The following FLT3 variants were observed in gnomAD, a reference collection of about 807,000 sequenced individuals.
The protein encoded by FLT3 is fms related receptor tyrosine kinase 3.
Under a neutral mutation model 126.6 loss-of-function variants are expected in FLT3, and 46 were observed. The observed-to-expected ratio is 0.36, with a 90% confidence interval of 0.29 to 0.46. The LOEUF is 0.46. Ranked by LOEUF, FLT3 falls within the 20% of genes least tolerant of loss-of-function variation. The pLI, the probability that FLT3 is intolerant of heterozygous loss-of-function variation, is 1.00. For synonymous variants in FLT3, 404 were observed against 434.4 expected, an observed-to-expected ratio of 0.93 and a Z score of 0.87; for missense variants, 1,069 against 1,190.3, an observed-to-expected ratio of 0.90 and a Z score of 1.50.
chr13:28,088,791 G>A (rs2137822480), intron 1 of FLT3, among the ~76,000 whole-genome samples: 1 of 151,420 alleles, frequency 6.6e-6, no homozygotes, highest in South Asian at 2.1e-4. Flanking sequence ...TCACTATGTT[G>A]GCCAGGCTGG....
chr13:28,048,981 T>G (rs1875159530), intron 8 of FLT3, among the ~76,000 whole-genome samples: 2 of 152,226 alleles, frequency 1.3e-5, no homozygotes, highest in Non-Finnish European at 2.9e-5. Flanking sequence ...TTGTACTGTC[T>G]CTCAGTGCTC....
At chr13:28,067,196 AT>A (rs10713286) in intron 2 of FLT3, among the ~76,000 whole-genome samples, 151,739 of 152,278 alleles carry the variant, frequency 1, 75,602 homozygotes, top group Middle Eastern at 1. Flanking sequence ...TTTATTTTGT[AT>A]TTTTTAGCAG....
chr13:28,032,094 G>A (rs66520040), intron 15 of FLT3, among the ~76,000 whole-genome samples: 23,148 of 152,050 alleles, frequency 0.15, 3,662 homozygotes, highest in African/African-American at 0.4. Context: ...GAAAAGTCAC[G>A]GGTTTCTAGT....
intron 1 of FLT3, among the ~76,000 whole-genome samples, chr13:28,077,950 TC>T (rs1878069975): frequency 6.6e-6 from 1 of 152,204 alleles, no homozygotes; most frequent in Admixed American, 6.5e-5. Flanking sequence ...TCCAAAATGA[TC>T]TCTTTTGACT....
chr13:28,040,564 C>T (rs1874260691), intron 9 of FLT3, among the ~76,000 whole-genome samples: 1 of 152,088 alleles, frequency 6.6e-6, no homozygotes, highest in East Asian at 1.9e-4. Context: ...AACGCCACTG[C>T]GTAATTGCAG....
intron 8 of FLT3, among the ~76,000 whole-genome samples, chr13:28,049,154 T>C (rs1438154736): frequency 6.6e-6 from 1 of 152,228 alleles, no homozygotes; most frequent in Non-Finnish European, 1.5e-5. Context: ...AAACAGATGG[T>C]CATATTACAA....
At chr13:28,072,992 G>A (rs1287678162) in intron 1 of FLT3, among the ~76,000 whole-genome samples, 4 of 150,448 alleles carry the variant, frequency 2.7e-5, no homozygotes, top group Non-Finnish European at 4.4e-5. Flanking sequence ...GCGACAGAGC[G>A]AGACTCCGTC....
rs576366384 is a variant in FLT3 at position 28,003,936 on chromosome 13, T to G, written c.*116A>C. The G allele has an allele frequency of 8.2e-7, 1 of 1,222,592 alleles. No individual in the cohort carries two copies. The highest frequency in any genetic ancestry group is 2.4e-5 in the East Asian group (1 of 42,476). The allele number at this position is 1,222,592 out of a possible 1,614,324, so 75.7% of individuals were successfully genotyped here. Reference sequence around the variant, plus strand: ...AGACAGCTTCTAGAGAAAAGTCTGGTGAAGCAGCAGTTGATAATAGATTTT... The same window carrying G: ...AGACAGCTTCTAGAGAAAAGTCTGGGGAAGCAGCAGTTGATAATAGATTTT... On this transcript the variant is annotated 3_prime_UTR_variant, in exon 24 of 24. Coordinates refer to ENST00000241453, the MANE Select transcript of FLT3 (RefSeq NM_004119.3).
At chr13:28,009,287 T>C (rs553786878) in intron 23 of FLT3, 2 of 152,366 alleles carry the variant, frequency 1.3e-5, no homozygotes, top group Admixed American at 1.3e-4. Flanking sequence ...CATATCGTTC[T>C]TACATTTTTA....
chr13:28,041,426 G>A (rs936921496), intron 9 of FLT3, among the ~76,000 whole-genome samples: 1 of 152,150 alleles, frequency 6.6e-6, no homozygotes, highest in Admixed American at 6.5e-5. Context: ...GCAGACCAAA[G>A]CAAAATGTTT....
At chr13:28,015,310 T>C in intron 21 of FLT3, 54 bp from the exon 22 acceptor site, 2 of 1,174,756 alleles carry the variant, frequency 1.7e-6, no homozygotes, top group South Asian at 2.5e-5. Flanking sequence ...CATTTGTTTA[T>C]TGATTCATTC....
chr13:28,043,721 G>A (rs1168847732), intron 9 of FLT3, among the ~76,000 whole-genome samples: 4 of 152,128 alleles, frequency 2.6e-5, no homozygotes, highest in Admixed American at 6.5e-5. Flanking sequence ...AGTGGCACAC[G>A]CCAAGTTGCA....
At chr13:28,031,517 T>A (rs1232677538) in intron 15 of FLT3, among the ~76,000 whole-genome samples, 3 of 151,710 alleles carry the variant, frequency 2.0e-5, no homozygotes, top group Admixed American at 2.0e-4. Flanking sequence ...GGACAACAAT[T>A]GGATGTTAAA....
At chr13:28,094,390 G>A (rs1879315323) in intron 1 of FLT3, among the ~76,000 whole-genome samples, 1 of 152,054 alleles carries the variant, frequency 6.6e-6, no homozygotes, top group Non-Finnish European at 1.5e-5. Flanking sequence ...GTAAAAAAAT[G>A]TATATTTTTT....
Position 28,100,320 on chromosome 13 carries a change from A to AGAGGGGAGGGGCGCGGGAGGC in FLT3, c.43+127_43+147dup, listed in dbSNP as rs1168369577. ...AGTGGGCGAGTCCGGAGGGCGCGAA[A>AGAGGGGAGGGGCGCGGGAGGC]GAGGGGAGGGGCGCGGGAGGCAATG... On this transcript the variant is annotated intron_variant, in intron 1 of 23. Transcript: ENST00000241453. This position sits in a 1 kb window ranked among gnomAD's most constrained non-coding sequence, Gnocchi z 4.8. The AGAGGGGAGGGGCGCGGGAGGC allele has an allele frequency of 2.1e-4, 100 of 469,122 alleles. No individual in the cohort carries two copies. The highest frequency in any genetic ancestry group is 1.9e-3 in the African/African-American group (94 of 48,814). The allele number at this position is 469,122 out of a possible 1,614,324, so 29.1% of individuals were successfully genotyped here. A position where few individuals can be genotyped will look rare whatever the true frequency, so the allele number is the denominator to read the frequency against.
intron 1 of FLT3, among the ~76,000 whole-genome samples, chr13:28,074,034 C>T (rs375939534): frequency 2.0e-5 from 3 of 152,054 alleles, no homozygotes; most frequent in East Asian, 3.9e-4. Flanking sequence ...CCTTATGAAG[C>T]TTTGATATCA....
At chr13:28,071,833 GCTT>G (rs775556522) in intron 1 of FLT3, among the ~76,000 whole-genome samples, 47 of 151,914 alleles carry the variant, frequency 3.1e-4, no homozygotes, top group Non-Finnish European at 5.3e-4. Flanking sequence ...TTCATCATCT[GCTT>G]CTTCTTTTTA....
chr13:28,034,349 G>A lies in FLT3; in HGVS notation c.1656C>T (p.Leu552=). 1 of 1,614,114 alleles carries A rather than the reference G, an allele frequency of 6.2e-7. No homozygotes were observed. The highest frequency in any genetic ancestry group is 1.1e-5 in the South Asian group (1 of 91,084). The change falls in exon 13 of 24, where the codon CTC becomes CTT. Residue 552 remains leucine (L), a synonymous_variant. Coordinates refer to ENST00000241453, the MANE Select transcript of FLT3 (RefSeq NM_004119.3). The part of the protein sequence containing the change: ...ISFYATIGVC[L]LFIVVLTLLI... Reference sequence around the variant, plus strand: ...GCAGGGTTAAAACGACAATGAAGAGGAGACAAACACCAATTGTTGCATAGA... The same window carrying A: ...GCAGGGTTAAAACGACAATGAAGAGAAGACAAACACCAATTGTTGCATAGA...
intron 23 of FLT3, among the ~76,000 whole-genome samples, chr13:28,010,955 A>G (rs1213835690): frequency 1.3e-5 from 2 of 151,696 alleles, no homozygotes; most frequent in African/African-American, 4.8e-5. Context: ...GTGAGCGGAG[A>G]TCACGCCACT....
Sources: gnomAD v4.1 joint callset for allele counts (sites outside exome capture counted in the v4.1 genomes callset) on GRCh38, gnomAD v4.1.1 for gene constraint, Gnocchi (gnomAD v3.1) non-coding constraint, MANE v1.5 for transcripts, NCBI Gene and HGNC (gene_info 2026-07-23, HGNC 2026-07-21) for gene names.